UTRN: variants seen among roughly 807,000 people sequenced by gnomAD.
UTRN encodes the protein dystrophin-related protein 1.
Under a neutral mutation model 463.9 loss-of-function variants are expected in UTRN, and 283 were observed. The ratio of observed to expected loss-of-function variants is 0.61; its 90% CI spans 0.55 to 0.67. The LOEUF (loss-of-function observed/expected upper bound fraction) is 0.67, where lower values mean the gene tolerates loss of function less well. Ranked by LOEUF, UTRN falls within the 30% of genes least tolerant of loss-of-function variation. UTRN has a pLI of 0.00. For synonymous variants in UTRN, 1,442 were observed against 1,431.5 expected (o/e 1.01, Z -0.17); for missense variants, 3,922 against 4,084.3 (o/e 0.96, Z 1.08).
chr6:144,668,058 T>C lies in UTRN; in HGVS notation c.7480-10348T>C, dbSNP rs572092239. Among the ~76,000 whole-genome samples, 3 of 152,364 alleles carry C rather than the reference T, an allele frequency of 2.0e-5. No homozygotes were observed. The East Asian group carries it at 5.8e-4, about 29-fold the overall frequency. ...TCAGAGATCAATGGGTTTGCAAATT[T>C]GGACCATAAATCTTGCAGGAGCTGT... On this transcript the variant is annotated intron_variant, in intron 51 of 74. Transcript: ENST00000367545.
intron 47 of UTRN, 53 bp downstream of exon 47, chr6:144,548,907 A>G: frequency 6.4e-7 from 1 of 1,559,234 alleles, no homozygotes; most frequent in Non-Finnish European, 8.7e-7. Context: ...CCAGAGGTAG[A>G]CCAGATCTGT....
rs141465568 is a variant in UTRN, at chr6:144,491,056, A to G, written c.4391A>G (p.Lys1464Arg). The change falls in exon 32 of 75, where the codon AAG (lysine) becomes AGG (arginine). Residue 1464 changes from lysine (K) to arginine (R), a missense_variant. Around this residue, in one of 3 missense-constraint regions of UTRN, gnomAD observed 2,349 missense variants for 2,303.8 expected, o/e 1.02. Transcript: ENST00000367545. ...VKAELHVLDVKDVDPDVIQTH... is the reference protein window; with the variant it reads ...VKAELHVLDVRDVDPDVIQTH... ...GCAGAACTTCACGTTCTGGATGTGAAGGACGTAGACCCTGACGTCATACAG... is the reference window on the plus strand; with the variant it reads ...GCAGAACTTCACGTTCTGGATGTGAGGGACGTAGACCCTGACGTCATACAG... The G allele has an allele frequency of 1.1e-4, 180 of 1,613,824 alleles. No homozygotes were observed. The highest frequency in any genetic ancestry group is 1.4e-4 in the Non-Finnish European group (165 of 1,179,964).
At chr6:144,421,471 T>C (rs1464905047) in intron 3 of UTRN, among the ~76,000 whole-genome samples, 4 of 151,938 alleles carry the variant, frequency 2.6e-5, no homozygotes, top group East Asian at 1.9e-4. Flanking sequence ...GGGCGGATCA[T>C]GAGGTCAGGA....
intron 33 of UTRN, among the ~76,000 whole-genome samples, chr6:144,498,976 T>C (rs1358670068): frequency 6.6e-6 from 1 of 152,166 alleles, no homozygotes; most frequent in African/African-American, 2.4e-5. Context: ...CCCAGCCTCA[T>C]ACCAATCTTT....
At chr6:144,827,429 G>A (rs1382575661) in intron 67 of UTRN, 43 bp downstream of exon 67, 1 of 1,612,206 alleles carries the variant, frequency 6.2e-7, no homozygotes, top group Non-Finnish European at 8.5e-7. Context: ...GTTCTGATCA[G>A]TGGTACTAGC....
At chr6:144,525,968 C>A (rs1002555538) in intron 41 of UTRN, among the ~76,000 whole-genome samples, 1 of 152,058 alleles carries the variant, frequency 6.6e-6, no homozygotes, top group Non-Finnish European at 1.5e-5. Flanking sequence ...CAGGTTATTT[C>A]GTTTCCATAT....
At chr6:144,508,542 C>A (rs1292154036) in intron 34 of UTRN, among the ~76,000 whole-genome samples, 1 of 152,188 alleles carries the variant, frequency 6.6e-6, no homozygotes, top group Non-Finnish European at 1.5e-5. Flanking sequence ...TGAAGCGACA[C>A]CCTCCGTGGG....
intron 61 of UTRN, among the ~76,000 whole-genome samples, chr6:144,782,402 A>T (rs1277561542): frequency 1.3e-5 from 2 of 152,122 alleles, no homozygotes; most frequent in African/African-American, 2.4e-5. Context: ...GCTAGGGGAA[A>T]CAATATAGCT....
intron 42 of UTRN, among the ~76,000 whole-genome samples, chr6:144,531,956 T>C (rs923141983): frequency 3.9e-5 from 6 of 151,916 alleles, no homozygotes; most frequent in Non-Finnish European, 7.4e-5. Context: ...GCTAACATGG[T>C]GAAAACCCAT....
chr6:144,514,493 T>C (rs1043027902), intron 36 of UTRN, among the ~76,000 whole-genome samples, 157 bp from the exon 37 acceptor site: 1 of 152,208 alleles, frequency 6.6e-6, no homozygotes, highest in African/African-American at 2.4e-5. Context: ...CTCCAATGAG[T>C]CCTATGTGAA....
chr6:144,326,930 G>A (rs1776010665), intron 2 of UTRN, among the ~76,000 whole-genome samples: 1 of 152,148 alleles, frequency 6.6e-6, no homozygotes, highest in Admixed American at 6.5e-5. Context: ...CATTCTTTCT[G>A]CGTCTCTAGG....
intron 51 of UTRN, among the ~76,000 whole-genome samples, chr6:144,628,651 C>T (rs918490869): frequency 3.3e-5 from 5 of 152,176 alleles, no homozygotes; most frequent in African/African-American, 1.2e-4. Context: ...TTTACTAACT[C>T]ATATCCTAAA....
intron 56 of UTRN, among the ~76,000 whole-genome samples, chr6:144,752,638 C>T (rs1336615386): frequency 6.6e-6 from 1 of 152,134 alleles, no homozygotes; most frequent in Non-Finnish European, 1.5e-5. Context: ...TTAGTCTTTG[C>T]AAAGAGTGTT....
chr6:144,345,743 CCT>C (rs1777510944), intron 2 of UTRN, among the ~76,000 whole-genome samples: 1 of 152,064 alleles, frequency 6.6e-6, no homozygotes, highest in Non-Finnish European at 1.5e-5. Context: ...GTCACTAAAT[CCT>C]CTCTCTTTCC....
chr6:144,789,206 A>T lies in UTRN; in HGVS notation c.8847A>T (p.Gly2949=). The change falls in exon 62 of 75, where the codon GGA becomes GGT. Residue 2949 remains glycine, a synonymous_variant. Transcript: ENST00000367545. ...LLNVYDTGRT[G]KIRVQSLKIG... is the part of the protein sequence containing the mutation. The stretch of plus-strand genomic sequence containing the variant: ...CTTATAATTTTAGGGGTCGAACTGG[A>T]AAAATTAGAGTGCAGAGTCTGAAGA... The T allele has an allele frequency of 6.2e-7, 1 of 1,613,012 alleles. No homozygotes were observed. The highest frequency in any genetic ancestry group is 8.5e-7 in the Non-Finnish European group (1 of 1,179,486).
intron 58 of UTRN, among the ~76,000 whole-genome samples, chr6:144,767,353 T>C (rs547178480): frequency 4.1e-4 from 62 of 152,216 alleles, no homozygotes; most frequent in African/African-American, 1.5e-3. Flanking sequence ...GCAAGGGAGA[T>C]GAGGTTATTT....
chr6:144,609,682 C>T (rs1805263364), intron 51 of UTRN, among the ~76,000 whole-genome samples: 1 of 152,088 alleles, frequency 6.6e-6, no homozygotes, highest in Admixed American at 6.6e-5. Flanking sequence ...TGTTAGGCCA[C>T]AAAACAAACC....
In UTRN at chr6:144,437,617, A is replaced by G; in HGVS notation, c.1112A>G (p.Gln371Arg). The change falls in exon 11 of 75, where the codon CAG becomes CGG. Residue 371 changes from glutamine to arginine, a missense_variant. Around this residue, in one of 3 missense-constraint regions of UTRN, gnomAD observed 2,349 missense variants for 2,303.8 expected, o/e 1.02. Coordinates refer to ENST00000367545, the MANE Select transcript of UTRN (RefSeq NM_007124.3). The stretch of plus-strand genomic sequence containing the variant: ...CAGAGCAGTGTGGGCAGCGTCCTGC[A>G]GGCAGGCAACCAACTGATAACACAA... ...AHQSSVGSVL[Q>R]AGNQLITQGT... 2 of 1,614,056 alleles carry G rather than the reference A, an allele frequency of 1.2e-6. No individual in the cohort carries two copies. The highest frequency in any genetic ancestry group is 2.2e-5 in the South Asian group (2 of 91,066).
chr6:144,744,680 A>G (rs907795069), intron 54 of UTRN, among the ~76,000 whole-genome samples: 2 of 151,574 alleles, frequency 1.3e-5, no homozygotes, highest in African/African-American at 4.8e-5. Context: ...TGACATAGGA[A>G]AAAAAAGTCT....
Sources: gnomAD v4.1 joint callset for allele counts (sites outside exome capture counted in the v4.1 genomes callset) on GRCh38, gnomAD v4.1.1 for gene constraint, gnomAD v4.1.1 regional missense constraint, MANE v1.5 for transcripts, NCBI Gene and HGNC (gene_info 2026-07-23, HGNC 2026-07-21) for gene names.